The following PLXNB1 variants were observed in gnomAD, a reference collection of about 807,000 sequenced individuals.
PLXNB1 encodes plexin B1, also known as plexin-B1.
PLXNB1 carries 106 observed loss-of-function variants against 209.4 expected under a neutral mutation model. That is an observed-to-expected ratio of 0.51 (90% CI 0.43 to 0.59). The LOEUF (loss-of-function observed/expected upper bound fraction) is 0.59, where lower values mean the gene tolerates loss of function less well. Among genes scored for constraint, PLXNB1 ranks in the 20% least tolerant of loss-of-function variants. The pLI, the probability that PLXNB1 is intolerant of heterozygous loss-of-function variation, is 0.00. For synonymous variants in PLXNB1, 1,167 were observed against 1,183.2 expected, an observed-to-expected ratio of 0.99 and a Z score of 0.28; for missense variants, 2,357 against 2,853.2, an observed-to-expected ratio of 0.83 and a Z score of 3.96.
In PLXNB1 at chr3:48,423,814, C is replaced by G; in HGVS notation, c.798G>C (p.Leu266=). The G allele has an allele frequency of 6.2e-7, 1 of 1,613,986 alleles. No individual in the cohort carries two copies. The highest frequency in any genetic ancestry group is 8.5e-7 in the Non-Finnish European group (1 of 1,180,000). Residue 266 remains leucine (L), a synonymous_variant, in exon 3 of 38, where the codon CTG becomes CTC. Coordinates refer to ENST00000296440, the MANE Select transcript of PLXNB1 (RefSeq NM_001130082.3). ...QHYYSYVELP[L]ACEGGRYGLI... ...GCCCGTAGCGGCCACCTTCGCAGGC[C>G]AGAGGCAACTCCACATAGGAGTAGT...
rs1426497619 is a variant in PLXNB1, at chr3:48,423,636, G to A, written c.976C>T (p.Leu326=). 6.2e-7 allele frequency: 1 copy of A among 1,614,086 alleles called. No homozygotes were observed. Among genetic ancestry groups the A allele is most frequent in the Non-Finnish European group, 8.5e-7 (1 of 1,180,042 alleles). ...SGASALCAFP[L]DEVDRLANRT... is the part of the protein sequence containing the mutation. ...TTAGCAAGCCGGTCCACCTCATCCAGGGGGAAGGCACAGAGGGCAGAGGCT... is the reference window on the plus strand; with the variant it reads ...TTAGCAAGCCGGTCCACCTCATCCAAGGGGAAGGCACAGAGGGCAGAGGCT... Residue 326 remains leucine (L), a synonymous_variant, in exon 3 of 38, where the codon CTG becomes TTG. Transcript: ENST00000296440.
intron 1 of PLXNB1, among the ~76,000 whole-genome samples, chr3:48,427,716 C>T (rs986453992): frequency 4.6e-5 from 7 of 152,170 alleles, no homozygotes; most frequent in South Asian, 2.1e-4. Flanking sequence ...AGGCTCTTGC[C>T]GCTGCCTGGA....
At position 48,411,632 on chromosome 3, in the gene PLXNB1, T is replaced by C. The variant is rs1292964735; in HGVS notation, c.5247+231A>G. Among the ~76,000 whole-genome samples the C allele has an allele frequency of 6.6e-6, 1 of 152,080 alleles. No homozygotes were observed. The highest frequency in any genetic ancestry group is 1.5e-5 in the Non-Finnish European group (1 of 68,002). On this transcript the variant is annotated intron_variant, in intron 28 of 37. Coordinates refer to ENST00000296440, the MANE Select transcript of PLXNB1 (RefSeq NM_001130082.3). The surrounding 1 kb of genome is among the most constrained non-coding windows in gnomAD (Gnocchi z 4.0). ...CAAACCCTGGTTGTGGCTACCCTAG[T>C]TCCATCCCTAGCCTGGGGCACATAG...
At position 48,419,743 on chromosome 3, in the gene PLXNB1, T is replaced by G; in HGVS notation, c.2543A>C (p.Glu848Ala). Residue 848 changes from glutamate to alanine, a missense_variant, in exon 11 of 38, where the codon GAG becomes GCG. By Grantham distance (107) the Glu-to-Ala change is moderately radical. Around this residue, in one of 7 missense-constraint regions of PLXNB1, gnomAD observed 410 missense variants for 401.0 expected, o/e 1.02. Transcript: ENST00000296440. The surrounding 1 kb of genome is among the most constrained non-coding windows in gnomAD (Gnocchi z 5.7). ...CGTCCACTCGTCCGCCTCGGGCAGCTCGCCGCCTTCTCTCGTGAGCCAGTC... is the reference window on the plus strand; with the variant it reads ...CGTCCACTCGTCCGCCTCGGGCAGCGCGCCGCCTTCTCTCGTGAGCCAGTC... The part of the protein sequence containing the change: ...ALDWLTREGG[E>A]LPEADEWTGG... 6.2e-7 allele frequency: 1 copy of G among 1,610,162 alleles called. No individual in the cohort carries two copies. The highest frequency in any genetic ancestry group is 8.5e-7 in the Non-Finnish European group (1 of 1,179,032).
rs968601964 is a variant in PLXNB1, at chr3:48,406,664, T to G, written c.6228+159A>C. 28 of 1,426,640 alleles carry G rather than the reference T, an allele frequency of 2.0e-5. 1 individual carries two copies. Among genetic ancestry groups the G allele is most frequent in the South Asian group, 9.1e-5 (6 of 66,154 alleles). The allele number at this position is 1,426,640 out of a possible 1,614,324, so 88.4% of individuals were successfully genotyped here. A position where few individuals can be genotyped will look rare whatever the true frequency, so the allele number is the denominator to read the frequency against. On this transcript the variant is annotated intron_variant, in intron 36 of 37. Coordinates refer to ENST00000296440, the MANE Select transcript of PLXNB1 (RefSeq NM_001130082.3). This position sits in a 1 kb window ranked among gnomAD's most constrained non-coding sequence, Gnocchi z 4.4. ...GATGGTGGGAGCCCTGGTCTTTCAG[T>G]GGCAGTTGGAACATTCTGCATTTAT...
rs773260645 is a variant in PLXNB1, at chr3:48,409,300, C to T, written c.6087+29G>A. 6.7e-7 allele frequency: 1 copy of T among 1,484,146 alleles called. No individual in the cohort carries two copies. The highest frequency in any genetic ancestry group is 8.9e-7 in the Non-Finnish European group (1 of 1,124,328). The allele number at this position is 1,484,146 out of a possible 1,614,324, so 91.9% of individuals were successfully genotyped here. ...CACAGCACTGTCCACCCTCACCCATCCCCCCGTGTCCATCCCAGACTCGCT... is the reference window on the plus strand; with the variant it reads ...CACAGCACTGTCCACCCTCACCCATTCCCCCGTGTCCATCCCAGACTCGCT... On this transcript the variant is annotated intron_variant, in intron 34 of 37. Transcript: ENST00000296440. The surrounding 1 kb of genome is among the most constrained non-coding windows in gnomAD (Gnocchi z 5.8).
Position 48,421,763 on chromosome 3 carries a change from G to A in PLXNB1, c.1564C>T (p.Gln522Ter). 1.2e-6 allele frequency: 2 copies of A among 1,608,712 alleles called. No individual in the cohort carries two copies. The highest frequency in any genetic ancestry group is 1.7e-6 in the Non-Finnish European group (2 of 1,175,744). Residue 522 changes from glutamine (Q) to a stop codon, truncating the protein, a stop_gained, in exon 7 of 38, where the codon CAG becomes TAG. Coordinates refer to ENST00000296440, the MANE Select transcript of PLXNB1 (RefSeq NM_001130082.3). LOFTEE classifies it high-confidence loss of function. ...TCAGGCTGGAAGCTCCATAGCCACT[G>A]CTCTGGGCCCTGGCCCCTCGAGCAC... Reference protein sequence around the residue: ...SECSRGQGPEQWLWSFQPELG... With the variant: ...SECSRGQGPE
intron 7 of PLXNB1, 105 bp from the exon 8 acceptor site, chr3:48,421,489 TC>T: frequency 7.6e-7 from 1 of 1,323,142 alleles, no homozygotes; most frequent in Non-Finnish European, 1.0e-6. Flanking sequence ...TCAACAGCCC[TC>T]AGGCCTCCCC....
At chr3:48,426,036 C>A (rs1358844096) in intron 1 of PLXNB1, among the ~76,000 whole-genome samples, 4 of 152,146 alleles carry the variant, frequency 2.6e-5, no homozygotes, top group African/African-American at 9.7e-5. Flanking sequence ...CACGCACACT[C>A]AGGCACACTC....
rs867847827 is a variant in PLXNB1, at chr3:48,414,871, G to A, written c.4137C>T (p.Thr1379=). The A allele has an allele frequency of 3.7e-6, 6 of 1,614,098 alleles. No homozygotes were observed. The highest frequency in any genetic ancestry group is 1.1e-5 in the South Asian group (1 of 91,086). ...PTPFSYEADP[T]LQPLNPEDPT... ...GGTCCTCAGGGTTGAGTGGCTGCAG[G>A]GTGGGGTCGGCCTCATAGGAGAAAG... The change falls in exon 21 of 38, where the codon ACC becomes ACT. Residue 1379 remains threonine (T), a synonymous_variant. Coordinates refer to ENST00000296440, the MANE Select transcript of PLXNB1 (RefSeq NM_001130082.3).
In PLXNB1 at chr3:48,419,915, G is replaced by C. The variant is rs774760301; in HGVS notation, c.2371C>G (p.Pro791Ala). ...GCTGCTACCTCTGAGGGTGACAGCG[G>C]GGAGGCCAAGAGGTCCTCAGGTGTG... ...SATPEDLLAS[P>A]LSPSEVAAVP... The change falls in exon 11 of 38, where the codon CCG (proline) becomes GCG (alanine). Residue 791 changes from proline to alanine, a missense_variant. Physicochemically the swap from Pro to Ala is conservative, Grantham distance 27. Around this residue, in one of 7 missense-constraint regions of PLXNB1, gnomAD observed 410 missense variants for 401.0 expected, o/e 1.02. Coordinates refer to ENST00000296440, the MANE Select transcript of PLXNB1 (RefSeq NM_001130082.3). The surrounding 1 kb of genome is among the most constrained non-coding windows in gnomAD (Gnocchi z 5.7). 1.3e-6 allele frequency: 2 copies of C among 1,564,574 alleles called. No homozygotes were observed. The highest frequency in any genetic ancestry group is 1.7e-6 in the Non-Finnish European group (2 of 1,152,426).
At chr3:48,430,286 C>A (rs1349724940), upstream of PLXNB1, among the ~76,000 whole-genome samples, 1 of 152,250 alleles carries the variant, frequency 6.6e-6, no homozygotes, top group Non-Finnish European at 1.5e-5. Flanking sequence ...GCTGCAGAGG[C>A]GCACAAGCAA....
chr3:48,406,639 G>A lies in PLXNB1; in HGVS notation c.6228+184C>T. On this transcript the variant is annotated intron_variant, in intron 36 of 37. Transcript: ENST00000296440. The surrounding 1 kb of genome is among the most constrained non-coding windows in gnomAD (Gnocchi z 4.4). Reference sequence around the variant, plus strand: ...AAGACCCCTGCTTGCTCTGTGATGAGATGGTGGGAGCCCTGGTCTTTCAGT... The same window carrying A: ...AAGACCCCTGCTTGCTCTGTGATGAAATGGTGGGAGCCCTGGTCTTTCAGT... 1 of 1,418,972 alleles carries A rather than the reference G, an allele frequency of 7.0e-7. No individual in the cohort carries two copies. The highest frequency in any genetic ancestry group is 9.2e-7 in the Non-Finnish European group (1 of 1,089,086). The allele number at this position is 1,418,972 out of a possible 1,614,324, so 87.9% of individuals were successfully genotyped here. A position where few individuals can be genotyped will look rare whatever the true frequency, so the allele number is the denominator to read the frequency against.
At chr3:48,412,332 G>A (rs1233446056) in intron 26 of PLXNB1, 28 bp from the exon 27 acceptor site, 2 of 1,613,472 alleles carry the variant, frequency 1.2e-6, no homozygotes, top group Admixed American at 1.7e-5. Context: ...GGGAGTGCCA[G>A]GGTCAGCAGG....
chr3:48,418,856 G>C lies in PLXNB1; in HGVS notation c.2955+61C>G, dbSNP rs2038287370. ...AAGTGTGGTGCAGCCAGCTACAGTT[G>C]GCAGCCAGCCTGTGGCCAGTGCAGT... On this transcript the variant is annotated intron_variant, in intron 13 of 37. Transcript: ENST00000296440. The surrounding 1 kb of genome is among the most constrained non-coding windows in gnomAD (Gnocchi z 6.6). The C allele has an allele frequency of 1.3e-6, 2 of 1,599,952 alleles. No homozygotes were observed. The highest frequency in any genetic ancestry group is 1.7e-6 in the Non-Finnish European group (2 of 1,170,950).
Position 48,419,132 on chromosome 3 carries a change from G to A in PLXNB1, c.2833-93C>T, listed in dbSNP as rs1253431880. ...CAACAGATCCCCCAGCACAGCTTCT[G>A]GGTTGGAGTTGAGCCCTCGGACTCT... On this transcript the variant is annotated intron_variant, in intron 12 of 37. Coordinates refer to ENST00000296440, the MANE Select transcript of PLXNB1 (RefSeq NM_001130082.3). The surrounding 1 kb of genome is among the most constrained non-coding windows in gnomAD (Gnocchi z 5.7). 3.2e-6 allele frequency: 5 copies of A among 1,576,046 alleles called. No individual in the cohort carries two copies. Among genetic ancestry groups the A allele is most frequent in the Non-Finnish European group, 4.3e-6 (5 of 1,155,700 alleles).
rs763258980 is a variant in PLXNB1 at position 48,421,203 on chromosome 3, C to G, written c.1810+25G>C. ...CCCTGAAGCAGGGGCTGGCCCCCAC[C>G]AGGCTGGCCCATTCTCTCACCCACC... On this transcript the variant is annotated intron_variant, in intron 8 of 37. Coordinates refer to ENST00000296440, the MANE Select transcript of PLXNB1 (RefSeq NM_001130082.3). 3 of 1,608,390 alleles carry G rather than the reference C, an allele frequency of 1.9e-6. No individual in the cohort carries two copies. In the South Asian group the frequency reaches 3.3e-5, roughly 18 times the overall value.
Position 48,410,160 on chromosome 3 carries a change from TGG to T in PLXNB1, c.5606-85_5606-84del. On this transcript the variant is annotated intron_variant, in intron 31 of 37. Coordinates refer to ENST00000296440, the MANE Select transcript of PLXNB1 (RefSeq NM_001130082.3). This position sits in a 1 kb window ranked among gnomAD's most constrained non-coding sequence, Gnocchi z 6.4. ...TGTTTCTTGCCAGCTCTCCCAGGGG[TGG>T]GGGCACCTGGTTGAGGGATTTCCTG... The T allele has an allele frequency of 6.8e-7, 1 of 1,479,032 alleles. No individual in the cohort carries two copies. Among genetic ancestry groups the T allele is most frequent in the Non-Finnish European group, 9.1e-7 (1 of 1,095,784 alleles). The allele number at this position is 1,479,032 out of a possible 1,614,324, so 91.6% of individuals were successfully genotyped here. A position where few individuals can be genotyped will look rare whatever the true frequency, so the allele number is the denominator to read the frequency against.
chr3:48,420,177 G>C lies in PLXNB1; in HGVS notation c.2109C>G (p.Thr703=), dbSNP rs773404392. 1 of 1,592,748 alleles carries C rather than the reference G, an allele frequency of 6.3e-7. No homozygotes were observed. The highest frequency in any genetic ancestry group is 1.1e-5 in the South Asian group (1 of 87,986). ...CCACGGGAAGGGTGTCAGGAGCAGG[G>C]GTGGCCAGGGCTTTGGGGGCTGTGG... ...SPPTAPKALA[T]PAPDTLPVEP... Residue 703 remains threonine, a synonymous_variant, in exon 11 of 38, where the codon ACC becomes ACG. Transcript: ENST00000296440.
Sources: allele counts gnomAD v4.1 joint callset (sites outside exome capture counted in the v4.1 genomes callset), GRCh38; gene constraint gnomAD v4.1.1; regional missense constraint gnomAD v4.1.1; non-coding constraint Gnocchi (gnomAD v3.1); transcripts MANE v1.5; gene names NCBI Gene and HGNC (gene_info 2026-07-23, HGNC 2026-07-21).